Variants in CHRM2 observed in about 807,000 individuals in gnomAD.
The protein encoded by CHRM2 is cholinergic receptor muscarinic 2.
Under a neutral mutation model 25.0 loss-of-function variants are expected in CHRM2, and 8 were observed. The ratio of observed to expected loss-of-function variants is 0.32; its 90% CI spans 0.19 to 0.58. The LOEUF (loss-of-function observed/expected upper bound fraction) is 0.58. Among genes scored for constraint, CHRM2 ranks in the 20% least tolerant of loss-of-function variants. The probability of loss-of-function intolerance (pLI) is 0.88; values close to 1 mark genes in which losing one functional copy is unlikely to be tolerated. For missense variants in CHRM2, 440 were observed against 567.1 expected (o/e 0.78, Z 2.28); for synonymous variants, 202 against 205.7 (o/e 0.98, Z 0.15).
intron 2 of CHRM2, among the ~76,000 whole-genome samples, chr7:136,876,979 G>A (rs1327929303): frequency 1.3e-5 from 2 of 152,074 alleles, no homozygotes; most frequent in African/African-American, 4.8e-5. Flanking sequence ...AAGACATTGA[G>A]TCAGGCTGGG....
intron 2 of CHRM2, among the ~76,000 whole-genome samples, chr7:136,982,785 C>T (rs997685648): frequency 3.9e-5 from 6 of 152,176 alleles, no homozygotes; most frequent in African/African-American, 1.4e-4. Context: ...TCTCTTCTGG[C>T]TTGTAGGGTT....
chr7:136,915,654 TGA>T (rs1208929041), intron 2 of CHRM2, among the ~76,000 whole-genome samples: 1 of 151,686 alleles, frequency 6.6e-6, no homozygotes, highest in Non-Finnish European at 1.5e-5. Context: ...ATTACTAAAT[TGA>T]GAGAGAGGGT....
At chr7:136,977,671 G>A (rs1802193559) in intron 2 of CHRM2, among the ~76,000 whole-genome samples, 3 of 152,126 alleles carry the variant, frequency 2.0e-5, no homozygotes, top group Admixed American at 1.3e-4. Flanking sequence ...GTTTGCTAAC[G>A]GTAGGCTATC....
chr7:136,906,050 A>T (rs1411723468), intron 2 of CHRM2, among the ~76,000 whole-genome samples: 1 of 151,258 alleles, frequency 6.6e-6, no homozygotes, highest in African/African-American at 2.4e-5. Flanking sequence ...CTATTTAAAA[A>T]ATTTTGTTAC....
intron 2 of CHRM2, among the ~76,000 whole-genome samples, chr7:136,981,644 T>C (rs1802494514): frequency 6.6e-6 from 1 of 152,078 alleles, no homozygotes; most frequent in Non-Finnish European, 1.5e-5. Flanking sequence ...TCTGGTATGT[T>C]GTGTCTTTGT....
chr7:136,912,149 GA>G (rs1449744620), intron 2 of CHRM2, among the ~76,000 whole-genome samples: 2 of 151,810 alleles, frequency 1.3e-5, no homozygotes, highest in Admixed American at 1.3e-4. Context: ...AAAGATAATT[GA>G]AAGTTTCTAA....
At chr7:136,925,369 C>A (rs556437634) in intron 2 of CHRM2, among the ~76,000 whole-genome samples, 3 of 151,978 alleles carry the variant, frequency 2.0e-5, no homozygotes, top group Non-Finnish European at 2.9e-5. Context: ...GTGTTATCAA[C>A]CCCATATTTC....
At chr7:137,000,543 A>AAGGAAG (rs1803938005) in intron 3 of CHRM2, among the ~76,000 whole-genome samples, 1 of 36,530 alleles carries the variant, frequency 2.7e-5, no homozygotes, top group Non-Finnish European at 6.0e-5. Flanking sequence ...AAGAAAAGAA[A>AAGGAAG]GAAAGAAGGA....
intron 2 of CHRM2, among the ~76,000 whole-genome samples, chr7:136,883,044 G>C (rs1205109092): frequency 6.6e-6 from 1 of 152,116 alleles, no homozygotes; most frequent in African/African-American, 2.4e-5. Context: ...CCATGCAATA[G>C]CCTTAGCCTT....
At chr7:136,908,639 G>A (rs1372476118) in intron 2 of CHRM2, among the ~76,000 whole-genome samples, 1 of 151,868 alleles carries the variant, frequency 6.6e-6, no homozygotes, top group Non-Finnish European at 1.5e-5. Context: ...GACAGCCAAT[G>A]ACTAAGTTTT....
At chr7:136,915,889 T>C (rs1798079181) in intron 2 of CHRM2, among the ~76,000 whole-genome samples, 1 of 151,266 alleles carries the variant, frequency 6.6e-6, no homozygotes, top group Non-Finnish European at 1.5e-5. Flanking sequence ...TTTGAAATAG[T>C]GAAAGTGCGT....
chr7:136,983,892 C>T (rs563418277), intron 2 of CHRM2, among the ~76,000 whole-genome samples: 2 of 152,178 alleles, frequency 1.3e-5, no homozygotes, highest in African/African-American at 4.8e-5. Context: ...GGAGATGTCT[C>T]CCCATCAGGA....
chr7:136,879,544 T>C (rs1337216754), intron 2 of CHRM2, among the ~76,000 whole-genome samples: 1 of 151,968 alleles, frequency 6.6e-6, no homozygotes, highest in Non-Finnish European at 1.5e-5. Context: ...TTTTTCACAA[T>C]TAATTGAAAT....
intron 2 of CHRM2, among the ~76,000 whole-genome samples, chr7:136,920,075 A>T (rs1798344395): frequency 6.6e-6 from 1 of 151,608 alleles, no homozygotes; most frequent in South Asian, 2.1e-4. Flanking sequence ...TTTCAATCTT[A>T]TATGGTGACA....
intron 2 of CHRM2, among the ~76,000 whole-genome samples, chr7:136,961,086 C>T (rs1444307037): frequency 1.3e-5 from 2 of 151,938 alleles, no homozygotes; most frequent in Non-Finnish European, 2.9e-5. Flanking sequence ...GATGGCGCCA[C>T]TGCACTCCGG....
intron 3 of CHRM2, among the ~76,000 whole-genome samples, chr7:136,999,457 C>CATAT (rs532158675): frequency 6.6e-6 from 1 of 151,560 alleles, no homozygotes; most frequent in African/African-American, 2.4e-5. Context: ...AGGTTTGTTA[C>CATAT]ATATATATAT....
At chr7:136,905,894 A>G (rs1254826434) in intron 2 of CHRM2, among the ~76,000 whole-genome samples, 3 of 151,294 alleles carry the variant, frequency 2.0e-5, no homozygotes, top group Non-Finnish European at 4.4e-5. Context: ...ACTTTGAAAA[A>G]CTGTATTTTA....
chr7:136,994,521 CTTTTTTT>C (rs757243972), intron 3 of CHRM2, among the ~76,000 whole-genome samples: 29 of 71,366 alleles, frequency 4.1e-4, no homozygotes, highest in Admixed American at 7.4e-4. Context: ...TTTTTCTTTT[CTTTTTTT>C]TTTTTTTTTT....
chr7:136,947,201 T>C (rs2090202340), intron 2 of CHRM2, among the ~76,000 whole-genome samples: 1 of 152,194 alleles, frequency 6.6e-6, no homozygotes, highest in Non-Finnish European at 1.5e-5. Flanking sequence ...GTCGTGGTTT[T>C]TTTGTTTGTT....
Sources: allele counts gnomAD v4.1 joint callset (sites outside exome capture counted in the v4.1 genomes callset), GRCh38; gene constraint gnomAD v4.1.1; transcripts MANE v1.5; gene names NCBI Gene and HGNC (gene_info 2026-07-23, HGNC 2026-07-21).